CTTNBP2: variants seen among roughly 807,000 people sequenced by gnomAD.
The protein encoded by CTTNBP2 is cortactin binding protein 2.
A neutral mutation model predicts 156.9 loss-of-function variants in CTTNBP2; 108 were observed. The ratio of observed to expected loss-of-function variants is 0.69; its 90% confidence interval spans 0.59 to 0.81. The LOEUF is 0.81. Ranked by LOEUF, CTTNBP2 falls within the 30% of genes least tolerant of loss-of-function variation. The pLI is 0.00. For missense variants in CTTNBP2, 1,924 were observed against 2,035.4 expected (o/e 0.95, Z 1.05); for synonymous variants, 767 against 751.8 (o/e 1.02, Z -0.33).
At chr7:117,780,751 GACT>G (rs761977182) in intron 6 of CTTNBP2, among the ~76,000 whole-genome samples, 160 bp from the exon 7 acceptor site, 25 of 152,190 alleles carry the variant, frequency 1.6e-4, no homozygotes, top group Middle Eastern at 6.8e-3. Context: ...CTTATTACAT[GACT>G]ACTGTTTTTT....
At chr7:117,833,534 T>C (rs1358334803) in intron 2 of CTTNBP2, among the ~76,000 whole-genome samples, 1 of 152,200 alleles carries the variant, frequency 6.6e-6, no homozygotes, top group Non-Finnish European at 1.5e-5. Flanking sequence ...GCTGCATCCA[T>C]CCTTCAAGAG....
In CTTNBP2 at chr7:117,777,340, C is replaced by A. The variant is rs184668538; in HGVS notation, c.2778+171G>T. Among the ~76,000 whole-genome samples the A allele has an allele frequency of 4.6e-5, 7 of 152,276 alleles. No individual in the cohort carries two copies. In the East Asian group the frequency reaches 1.3e-3, roughly 29 times the overall value. On this transcript the variant is annotated intron_variant, in intron 8 of 22. Transcript: ENST00000160373. ...ATTAAAAGTCTCTTATACCCTTGAC[C>A]ATAAGTAACTACTACATAGGAATAA...
At chr7:117,734,145 C>A (rs1795555007) in intron 16 of CTTNBP2, among the ~76,000 whole-genome samples, 4 of 152,154 alleles carry the variant, frequency 2.6e-5, no homozygotes, top group Admixed American at 2.0e-4. Flanking sequence ...ACGTTGGACA[C>A]CTACCACAAG....
intron 16 of CTTNBP2, among the ~76,000 whole-genome samples, chr7:117,733,548 G>A (rs1407824343): frequency 1.3e-5 from 2 of 152,214 alleles, no homozygotes; most frequent in Non-Finnish European, 2.9e-5. Context: ...AATTTGAAAA[G>A]CTACAGACCT....
chr7:117,805,946 T>G (rs1799912332), intron 3 of CTTNBP2, among the ~76,000 whole-genome samples: 1 of 152,196 alleles, frequency 6.6e-6, no homozygotes. Context: ...ATTGTAGGAC[T>G]ACACAAATTT....
At chr7:117,745,749 A>C in intron 14 of CTTNBP2, 82 bp downstream of exon 14, 1 of 902,028 alleles carries the variant, frequency 1.1e-6, no homozygotes, top group Non-Finnish European at 1.8e-6. Context: ...ATCCCCAAGC[A>C]ACACAGTGTA....
intron 3 of CTTNBP2, among the ~76,000 whole-genome samples, chr7:117,806,676 A>G (rs1799962335): frequency 6.6e-6 from 1 of 151,478 alleles, no homozygotes; most frequent in South Asian, 2.1e-4. Context: ...TCTAGAATCT[A>G]GAGTTTCAAG....
At chr7:117,866,897 A>G (rs2117283271) in intron 1 of CTTNBP2, among the ~76,000 whole-genome samples, 1 of 152,340 alleles carries the variant, frequency 6.6e-6, no homozygotes, top group African/African-American at 2.4e-5. Flanking sequence ...CATGCCAATA[A>G]TAATGCATTT....
At chr7:117,813,296 C>A (rs1226178891) in intron 2 of CTTNBP2, among the ~76,000 whole-genome samples, 1 of 152,104 alleles carries the variant, frequency 6.6e-6, no homozygotes, top group Non-Finnish European at 1.5e-5. Flanking sequence ...TCTGCAGGAC[C>A]CACTGCAAAA....
intron 2 of CTTNBP2, among the ~76,000 whole-genome samples, chr7:117,836,025 G>C (rs1801913583): frequency 6.6e-6 from 1 of 152,180 alleles, no homozygotes; most frequent in Non-Finnish European, 1.5e-5. Context: ...AAGGAAAAGT[G>C]TCGAGTTCTG....
chr7:117,791,455 T>C lies in CTTNBP2; in HGVS notation c.1741A>G (p.Asn581Asp), dbSNP rs763366709. 2.5e-6 allele frequency: 4 copies of C among 1,614,102 alleles called. No homozygotes were observed. The South Asian group carries it at 3.3e-5, about 13-fold the overall frequency. The change falls in exon 4 of 23, where the codon AAC (asparagine) becomes GAC (aspartate). Residue 581 changes from asparagine (N) to aspartate (D), a missense_variant. Coordinates refer to ENST00000160373, the MANE Select transcript of CTTNBP2 (RefSeq NM_033427.3). ...GAAGGAGTCGAAGCCACAGTTTTGT[T>C]ATCAACTTTGGCCCCTGTGTTCGAG... Reference protein sequence around the residue: ...RASNTGAKVDNKTVASTPSSL... With the variant: ...RASNTGAKVDDKTVASTPSSL...
At chr7:117,765,726 AAACTTTTT>A (rs1210441857) in intron 9 of CTTNBP2, among the ~76,000 whole-genome samples, 1 of 152,138 alleles carries the variant, frequency 6.6e-6, no homozygotes, top group East Asian at 1.9e-4. Flanking sequence ...CACATCATTA[AAACTTTTT>A]GATGCTTGAT....
At chr7:117,778,765 T>G (rs1018491634) in intron 7 of CTTNBP2, among the ~76,000 whole-genome samples, 2 of 152,208 alleles carry the variant, frequency 1.3e-5, no homozygotes, top group Admixed American at 1.3e-4. Flanking sequence ...CTTGTTTAGT[T>G]TTTTAAAAAA....
chr7:117,724,747 A>G lies in CTTNBP2; in HGVS notation c.4262-15T>C. 1 of 1,612,816 alleles carries G rather than the reference A, an allele frequency of 6.2e-7. No individual in the cohort carries two copies. The highest frequency in any genetic ancestry group is 8.5e-7 in the Non-Finnish European group (1 of 1,179,560). On this transcript the variant is annotated splice_polypyrimidine_tract_variant and intron_variant, in intron 18 of 22. Transcript: ENST00000160373. ...CTGGTCTAGCTCTGAAACAACACAA[A>G]TCACAGCAGGGATAATGCAGTTTCA...
chr7:117,842,762 T>C (rs1802352460), intron 2 of CTTNBP2, among the ~76,000 whole-genome samples: 1 of 152,218 alleles, frequency 6.6e-6, no homozygotes, highest in Admixed American at 6.5e-5. Context: ...TCTGTGTCTA[T>C]ACAATATTCA....
intron 11 of CTTNBP2, among the ~76,000 whole-genome samples, chr7:117,757,485 C>A (rs952331520): frequency 6.7e-6 from 1 of 148,404 alleles, no homozygotes; most frequent in African/African-American, 2.5e-5. Flanking sequence ...TAAACATTAG[C>A]CTGTACCATC....
chr7:117,758,862 C>G (rs990572045), intron 10 of CTTNBP2, among the ~76,000 whole-genome samples: 1 of 152,142 alleles, frequency 6.6e-6, no homozygotes, highest in East Asian at 1.9e-4. Flanking sequence ...AATAATCAAG[C>G]CTTAGCATGC....
chr7:117,756,216 G>T (rs1185183501), intron 12 of CTTNBP2, among the ~76,000 whole-genome samples: 7 of 152,116 alleles, frequency 4.6e-5, no homozygotes, highest in Non-Finnish European at 2.9e-5. Context: ...TTATAGTAAG[G>T]CATCTTGATA....
intron 3 of CTTNBP2, among the ~76,000 whole-genome samples, chr7:117,797,722 T>C (rs977305005): frequency 2.0e-5 from 3 of 150,622 alleles, no homozygotes; most frequent in African/African-American, 4.9e-5. Flanking sequence ...TAATAATTAA[T>C]TTGAAAATAA....
Sources: allele counts gnomAD v4.1 joint callset (sites outside exome capture counted in the v4.1 genomes callset), GRCh38; gene constraint gnomAD v4.1.1; transcripts MANE v1.5; gene names NCBI Gene and HGNC (gene_info 2026-07-23, HGNC 2026-07-21).